The following OR51A7 variants were observed in gnomAD, a reference collection of about 807,000 sequenced individuals.
OR51A7 encodes the protein olfactory receptor 51A7.
For synonymous variants in OR51A7, 143 were observed against 135.5 expected (o/e 1.05, Z -0.38); for missense variants, 409 against 374.5 (o/e 1.09, Z -0.76).
chr11:4,905,604 A>G (rs1850874347), intron 1 of OR51A7, among the ~76,000 whole-genome samples: 3 of 152,134 alleles, frequency 2.0e-5, no homozygotes, highest in Admixed American at 2.0e-4. Flanking sequence ...TCTTCTCTCT[A>G]GCCTTCCATT....
Position 4,908,236 on chromosome 11 carries a change from T to C in OR51A7, c.867T>C (p.Ile289=). ...FLLVPPLMNP[I]VYCVKTRQIW... Reference sequence around the variant, plus strand: ...TGGTGCCGCCCCTTATGAACCCCATTGTGTACTGTGTAAAGACTCGACAAA... The same window carrying C: ...TGGTGCCGCCCCTTATGAACCCCATCGTGTACTGTGTAAAGACTCGACAAA... Residue 289 remains isoleucine, a synonymous_variant, in exon 2 of 2, where the codon ATT becomes ATC. Coordinates refer to ENST00000641490, the MANE Select transcript of OR51A7 (RefSeq NM_001004749.2). 2 of 1,614,144 alleles carry C rather than the reference T, an allele frequency of 1.2e-6. No homozygotes were observed. Among genetic ancestry groups the C allele is most frequent in the Non-Finnish European group, 8.5e-7 (1 of 1,180,014 alleles).
chr11:4,904,623 G>T (rs1351852314), intron 1 of OR51A7, among the ~76,000 whole-genome samples: 1 of 152,006 alleles, frequency 6.6e-6, no homozygotes, highest in Non-Finnish European at 1.5e-5. Flanking sequence ...CAGTACTTCT[G>T]AATAAACAGC....
At chr11:4,907,112 A>AAAAAAAAAAAAAAAAAAC in intron 1 of OR51A7, among the ~76,000 whole-genome samples, 1 of 149,994 alleles carries the variant, frequency 6.7e-6, no homozygotes, top group African/African-American at 2.5e-5. Context: ...AAAAAAAAAA[A>AAAAAAAAAAAAAAAAAAC]AAATCCTAAA....
rs367703637 is a variant in OR51A7, at chr11:4,908,606, T to C, written c.*298T>C. ...AAAGAATGAATACAATTTGGGCAGA[T>C]TGAGATTACCATTCAGTTAGTATCT... On this transcript the variant is annotated 3_prime_UTR_variant, in exon 2 of 2. Coordinates refer to ENST00000641490, the MANE Select transcript of OR51A7 (RefSeq NM_001004749.2). The C allele has an allele frequency of 4.6e-6, 2 of 430,418 alleles. No individual in the cohort carries two copies. Among genetic ancestry groups the C allele is most frequent in the Non-Finnish European group, 8.6e-6 (2 of 233,206 alleles). 26.7% of individuals were successfully genotyped at this position (430,418 alleles called of 1,614,324 possible). A position where few individuals can be genotyped will look rare whatever the true frequency, so the allele number is the denominator to read the frequency against.
At chr11:4,907,179 G>T (rs1374641012) in intron 1 of OR51A7, among the ~76,000 whole-genome samples, 160 bp from the exon 2 acceptor site, 1 of 150,760 alleles carries the variant, frequency 6.6e-6, no homozygotes, top group Non-Finnish European at 1.5e-5. Context: ...TACCATGCTG[G>T]AGAATATGAA....
Position 4,907,772 on chromosome 11 carries a change from A to C in OR51A7, c.403A>C (p.Ile135Leu). The C allele has an allele frequency of 6.2e-7, 1 of 1,614,082 alleles. No homozygotes were observed. Residue 135 changes from isoleucine (I) to leucine (L), a missense_variant, in exon 2 of 2, where the codon ATC becomes CTC. Ile to Leu is a conservative substitution (Grantham distance 5). Coordinates refer to ENST00000641490, the MANE Select transcript of OR51A7 (RefSeq NM_001004749.2). The part of the protein sequence containing the change: ...AIHNPLRYSS[I>L]LTSNRVAKMG... ...TCACAATCCCTTAAGATACAGTTCTATCCTCACTAGCAACAGGGTTGCTAA... is the reference window on the plus strand; with the variant it reads ...TCACAATCCCTTAAGATACAGTTCTCTCCTCACTAGCAACAGGGTTGCTAA...
chr11:4,908,340 C>T lies in OR51A7; in HGVS notation c.*32C>T. ...GAACAATTAGGTAATAAATTATCAA[C>T]CAGTAGGCATTTACTGTCATTTGCT... On this transcript the variant is annotated 3_prime_UTR_variant, in exon 2 of 2. Transcript: ENST00000641490. 6.4e-7 allele frequency: 1 copy of T among 1,566,044 alleles called. No homozygotes were observed. The highest frequency in any genetic ancestry group is 8.8e-7 in the Non-Finnish European group (1 of 1,137,516).
intron 1 of OR51A7, among the ~76,000 whole-genome samples, chr11:4,906,410 T>C (rs1850889348): frequency 6.6e-6 from 1 of 152,202 alleles, no homozygotes; most frequent in Non-Finnish European, 1.5e-5. Flanking sequence ...AGTTAAATAA[T>C]TTAAAATCAA....
At chr11:4,907,005 A>G (rs1850900975) in intron 1 of OR51A7, among the ~76,000 whole-genome samples, 1 of 147,678 alleles carries the variant, frequency 6.8e-6, no homozygotes, top group African/African-American at 2.5e-5. Context: ...CTGAGGCAGG[A>G]GAATCACTTG....
In OR51A7 at chr11:4,907,034, T is replaced by TGCAGAAAGCTGAGATC. The variant is rs1309312292; in HGVS notation, c.-31-301_-31-300insAAAGCTGAGATCGCAG. Among the ~76,000 whole-genome samples, 8 of 134,986 alleles carry TGCAGAAAGCTGAGATC rather than the reference T, an allele frequency of 5.9e-5. No homozygotes were observed. The Admixed American group carries it at 6.9e-4, about 12-fold the overall frequency. 88.6% of individuals were successfully genotyped at this position (134,986 alleles called of 152,430 possible). On this transcript the variant is annotated intron_variant, in intron 1 of 1. Transcript: ENST00000641490. ...TCACTTGATCGCGGGAGGTGGAGGTTGCAGCAAGCTGAGATCGCACCATTG... is the reference window on the plus strand; with the variant it reads ...TCACTTGATCGCGGGAGGTGGAGGTTGCAGAAAGCTGAGATCGCAGCAAGCTGAGATCGCACCATTG...
At position 4,907,464 on chromosome 11, in the gene OR51A7, G is replaced by T; in HGVS notation, c.95G>T (p.Cys32Phe). The change falls in exon 2 of 2, where the codon TGC (cysteine) becomes TTC (phenylalanine). Residue 32 changes from cysteine to phenylalanine, a missense_variant. Coordinates refer to ENST00000641490, the MANE Select transcript of OR51A7 (RefSeq NM_001004749.2). ...CACATTTGGTTCTCCATCCCCATTTGCCTCATGTACCTGCTTGCCATCATG... is the reference window on the plus strand; with the variant it reads ...CACATTTGGTTCTCCATCCCCATTTTCCTCATGTACCTGCTTGCCATCATG... ...HAHIWFSIPICLMYLLAIMGN... is the reference protein window; with the variant it reads ...HAHIWFSIPIFLMYLLAIMGN... The T allele has an allele frequency of 6.2e-7, 1 of 1,613,742 alleles. No individual in the cohort carries two copies. The highest frequency in any genetic ancestry group is 1.7e-5 in the Admixed American group (1 of 59,980).
rs182437460 is a variant in OR51A7, at chr11:4,909,086, C to A, written c.*778C>A. 2.2e-4 allele frequency: 34 copies of A among 152,096 alleles called. No individual in the cohort carries two copies. The highest frequency in any genetic ancestry group is 7.7e-4 in the African/African-American group (32 of 41,490). 9.4% of individuals were successfully genotyped at this position (152,096 alleles called of 1,614,324 possible). ...TAAGTGACTAAAAGATAATTTTAAA[C>A]CCCCTATGGTTTTGCTGTTTAGTTT... On this transcript the variant is annotated 3_prime_UTR_variant, in exon 2 of 2. Transcript: ENST00000641490.
In OR51A7 at chr11:4,904,602, A is replaced by G. The variant is rs996373712; in HGVS notation, c.-32+758A>G. On this transcript the variant is annotated intron_variant, in intron 1 of 1. Coordinates refer to ENST00000641490, the MANE Select transcript of OR51A7 (RefSeq NM_001004749.2). ...CATTTACTCTTTGGTTTCAGATACC[A>G]CCTATCATGTCAGTACTTCTGAATA... Among the ~76,000 whole-genome samples, 5 of 152,206 alleles carry G rather than the reference A, an allele frequency of 3.3e-5. No individual in the cohort carries two copies. In the South Asian group the frequency reaches 8.3e-4, roughly 25 times the overall value.
chr11:4,907,452 C>G lies in OR51A7; in HGVS notation c.83C>G (p.Ser28Cys). ...CTGGAACATGCCCACATTTGGTTCT[C>G]CATCCCCATTTGCCTCATGTACCTG... Reference protein sequence around the residue: ...PGLEHAHIWFSIPICLMYLLA... With the variant: ...PGLEHAHIWFCIPICLMYLLA... Residue 28 changes from serine to cysteine, a missense_variant, in exon 2 of 2, where the codon TCC (serine) becomes TGC (cysteine). Coordinates refer to ENST00000641490, the MANE Select transcript of OR51A7 (RefSeq NM_001004749.2). 6.2e-7 allele frequency: 1 copy of G among 1,613,944 alleles called. No individual in the cohort carries two copies. The highest frequency in any genetic ancestry group is 8.5e-7 in the Non-Finnish European group (1 of 1,179,968).
intron 1 of OR51A7, 37 bp from the exon 2 acceptor site, chr11:4,907,302 C>T: frequency 8.9e-7 from 1 of 1,120,086 alleles, no homozygotes; most frequent in Admixed American, 2.1e-5. Flanking sequence ...TGAGTTTTAA[C>T]CAAAAGCATG....
chr11:4,908,070 T>A lies in OR51A7; in HGVS notation c.701T>A (p.Leu234His), dbSNP rs145293740. ...AGCATTGCATCTTTGGCAGAGAGGC[T>A]TAAGGCCCTAAATACCTGTGTCTCC... is the stretch of plus-strand genomic sequence containing the variant. Reference protein sequence around the residue: ...ILSIASLAERLKALNTCVSHI... With the variant: ...ILSIASLAERHKALNTCVSHI... The change falls in exon 2 of 2, where the codon CTT becomes CAT. Residue 234 changes from leucine to histidine, a missense_variant. Coordinates refer to ENST00000641490, the MANE Select transcript of OR51A7 (RefSeq NM_001004749.2). 21 of 1,614,054 alleles carry A rather than the reference T, an allele frequency of 1.3e-5. No individual in the cohort carries two copies. The African/African-American group carries it at 2.7e-4, about 21-fold the overall frequency.
intron 1 of OR51A7, among the ~76,000 whole-genome samples, chr11:4,904,699 T>C (rs1402445810): frequency 6.6e-6 from 1 of 152,106 alleles, no homozygotes; most frequent in Non-Finnish European, 1.5e-5. Context: ...AGAATGACTT[T>C]ACCGCTTAAA....
rs759655996 is a variant in OR51A7 at position 4,907,911 on chromosome 11, A to G, written c.542A>G (p.His181Arg). ...KNLLSHSYCL[H>R]QDTMKLACSD... is the part of the protein sequence containing the mutation. Reference sequence around the variant, plus strand: ...CTTCTTTCTCACTCATACTGTCTTCATCAGGATACCATGAAGCTGGCCTGC... The same window carrying G: ...CTTCTTTCTCACTCATACTGTCTTCGTCAGGATACCATGAAGCTGGCCTGC... Residue 181 changes from histidine to arginine, a missense_variant, in exon 2 of 2, where the codon CAT becomes CGT. His to Arg is a conservative substitution (Grantham distance 29). Coordinates refer to ENST00000641490, the MANE Select transcript of OR51A7 (RefSeq NM_001004749.2). 2.5e-6 allele frequency: 4 copies of G among 1,614,002 alleles called. No homozygotes were observed. Among genetic ancestry groups the G allele is most frequent in the Non-Finnish European group, 3.4e-6 (4 of 1,180,036 alleles).
At chr11:4,904,793 A>G (rs1406553496) in intron 1 of OR51A7, among the ~76,000 whole-genome samples, 2 of 152,132 alleles carry the variant, frequency 1.3e-5, no homozygotes, top group Non-Finnish European at 2.9e-5. Context: ...ATGATTCTAC[A>G]TATTTTATAT....
Sources: allele counts gnomAD v4.1 joint callset (sites outside exome capture counted in the v4.1 genomes callset), GRCh38; gene constraint gnomAD v4.1.1; transcripts MANE v1.5; gene names NCBI Gene and HGNC (gene_info 2026-07-23, HGNC 2026-07-21).